Variants in SKIDA1 observed in about 807,000 individuals in gnomAD.
SKIDA1 encodes SKI/DACH domain containing 1.
Under a neutral mutation model 51.4 loss-of-function variants are expected in SKIDA1, and 18 were observed. That is an observed-to-expected ratio of 0.35 (90% CI 0.24 to 0.52). The LOEUF is 0.52. SKIDA1 is among the 20% of genes least tolerant of loss of function. The pLI is 0.95. For missense variants in SKIDA1, 1,104 were observed against 1,180.6 expected, an observed-to-expected ratio of 0.94 and a Z score of 0.95; for synonymous variants, 579 against 500.5, an observed-to-expected ratio of 1.16 and a Z score of -2.09.
Position 21,515,791 on chromosome 10 carries a change from T to C in SKIDA1, c.2032A>G (p.Thr678Ala), listed in dbSNP as rs1469976937. 7 of 1,614,062 alleles carry C rather than the reference T, an allele frequency of 4.3e-6. No individual in the cohort carries two copies. The highest frequency in any genetic ancestry group is 5.9e-6 in the Non-Finnish European group (7 of 1,179,900). The change falls in exon 4 of 4, where the codon ACA becomes GCA. Residue 678 changes from threonine to alanine, a missense_variant. Thr to Ala is a moderately conservative substitution (Grantham distance 58). Transcript: ENST00000449193. ...ENPCTDTGDK[T>A]LPFLHNIKIK... The stretch of plus-strand genomic sequence containing the variant: ...TTAATATTGTGCAGAAATGGCAATG[T>C]CTTGTCGCCTGTGTCAGTGCAGGGA...
rs11384540 is a variant in SKIDA1, at chr10:21,518,850, CTTTTTT to C, written c.-1034_-1029del. The C allele has an allele frequency of 3.2e-4, 46 of 141,840 alleles. No homozygotes were observed. The highest frequency in any genetic ancestry group is 3.4e-4 in the African/African-American group (12 of 35,368). The allele number at this position is 141,840 out of a possible 1,614,324, so 8.8% of individuals were successfully genotyped here. The stretch of plus-strand genomic sequence containing the variant: ...ACGTTTGGAATTTCTCTCGATTTTC[CTTTTTT>C]TTTTTTTTTTTTCCTGAAATGCCTT... On this transcript the variant is annotated 5_prime_UTR_variant, in exon 4 of 4. Transcript: ENST00000449193.
rs1297275750 is a variant in SKIDA1, at chr10:21,524,019, T to G, written c.-2117-148A>C. On this transcript the variant is annotated intron_variant, in intron 1 of 3. Coordinates refer to ENST00000449193, the MANE Select transcript of SKIDA1 (RefSeq NM_207371.4). ...GTTTGGACACTAAGACCCAAAAGAC[T>G]GGACACTCAACACTGACAGTATCAC... 3 of 152,186 alleles carry G rather than the reference T, an allele frequency of 2.0e-5. No individual in the cohort carries two copies. The East Asian group carries it at 5.8e-4, about 29-fold the overall frequency. 9.4% of individuals were successfully genotyped at this position (152,186 alleles called of 1,614,324 possible).
In SKIDA1 at chr10:21,516,217, C is replaced by T; in HGVS notation, c.1606G>A (p.Ala536Thr). Residue 536 changes from alanine to threonine, a missense_variant, in exon 4 of 4, where the codon GCC (alanine) becomes ACC (threonine). By Grantham distance (58) the Ala-to-Thr change is moderately conservative. Around this residue, in one of 3 missense-constraint regions of SKIDA1, gnomAD observed 938 missense variants for 886.4 expected, o/e 1.06. Coordinates refer to ENST00000449193, the MANE Select transcript of SKIDA1 (RefSeq NM_207371.4). This position sits in a 1 kb window ranked among gnomAD's most constrained non-coding sequence, Gnocchi z 5.7. ...APKASPVYCP[A>T]SLGSCFAEIR... ...TCAGCGAAACAACTCCCCAGGCTGG[C>T]CGGGCAGTACACCGGAGATGCTTTG... 6.2e-7 allele frequency: 1 copy of T among 1,614,052 alleles called. No homozygotes were observed.
At chr10:21,521,058 GCACACACACACACA>G (rs139184900) in intron 3 of SKIDA1, among the ~76,000 whole-genome samples, 1 of 146,660 alleles carries the variant, frequency 6.8e-6, no homozygotes, top group East Asian at 2.0e-4. Context: ...ATGAGTGCAT[GCACACACACACACA>G]CACACACACA....
At chr10:21,525,024 C>T (rs2032633219) in intron 1 of SKIDA1, among the ~76,000 whole-genome samples, 1 of 152,122 alleles carries the variant, frequency 6.6e-6, no homozygotes, top group African/African-American at 2.4e-5. Context: ...CTCCACCGCG[C>T]CAGTGTCAGC....
intron 3 of SKIDA1, among the ~76,000 whole-genome samples, chr10:21,520,987 T>C (rs1271137100): frequency 6.6e-6 from 1 of 152,012 alleles, no homozygotes; most frequent in African/African-American, 2.4e-5. Flanking sequence ...CATTCTTTTG[T>C]TCCTTTAACT....
chr10:21,517,883 A>ATG lies in SKIDA1; in HGVS notation c.-63_-62dup. Reference sequence around the variant, plus strand: ...ATATATACGTGACGCATACATACACATGTATGTATGTTAATCCTCAGCCAG... The same window carrying ATG: ...ATATATACGTGACGCATACATACACATGTGTATGTATGTTAATCCTCAGCCAG... On this transcript the variant is annotated 5_prime_UTR_variant, in exon 4 of 4. It adds an upstream start codon to the 5' untranslated region. Coordinates refer to ENST00000449193, the MANE Select transcript of SKIDA1 (RefSeq NM_207371.4). The surrounding 1 kb of genome is among the most constrained non-coding windows in gnomAD (Gnocchi z 6.9). 1 of 1,359,112 alleles carries ATG rather than the reference A, an allele frequency of 7.4e-7. No individual in the cohort carries two copies. The highest frequency in any genetic ancestry group is 2.5e-5 in the East Asian group (1 of 40,530). 84.2% of individuals were successfully genotyped at this position (1,359,112 alleles called of 1,614,324 possible).
Position 21,517,423 on chromosome 10 carries a change from C to T in SKIDA1, c.400G>A (p.Asp134Asn). 1.3e-6 allele frequency: 2 copies of T among 1,486,684 alleles called. No homozygotes were observed. The highest frequency in any genetic ancestry group is 1.8e-6 in the Non-Finnish European group (2 of 1,124,478). 92.1% of individuals were successfully genotyped at this position (1,486,684 alleles called of 1,614,324 possible). Residue 134 changes from aspartate (D) to asparagine (N), a missense_variant, in exon 4 of 4, where the codon GAC (aspartate) becomes AAC (asparagine). Asp to Asn is a conservative substitution (Grantham distance 23). Around this residue, in one of 3 missense-constraint regions of SKIDA1, gnomAD observed 938 missense variants for 886.4 expected, o/e 1.06. Coordinates refer to ENST00000449193, the MANE Select transcript of SKIDA1 (RefSeq NM_207371.4). This position sits in a 1 kb window ranked among gnomAD's most constrained non-coding sequence, Gnocchi z 6.9. ...AGGCCCCGCCAAAGTTGGTGCTTGT[C>T]CTTCCAAAATCCCGGGCGGGGGCTG... ...AASPRPGFWK[D>N]KHQLWRGLSG...
rs757716590 is a variant in SKIDA1 at position 21,515,877 on chromosome 10, G to A, written c.1946C>T (p.Pro649Leu). 35 of 1,613,980 alleles carry A rather than the reference G, an allele frequency of 2.2e-5. No individual in the cohort carries two copies. Among genetic ancestry groups the A allele is most frequent in the Non-Finnish European group, 3.0e-5 (35 of 1,179,900 alleles). Residue 649 changes from proline to leucine, a missense_variant, in exon 4 of 4, where the codon CCC becomes CTC. Physicochemically the swap from Pro to Leu is moderately conservative, Grantham distance 98 (BLOSUM62 -3). Transcript: ENST00000449193. ...LHCPEFATDL[P>L]SSQTDPEVNA... ...CACTTCAGGATCAGTCTGCGAAGAG[G>A]GCAAATCCGTAGCAAATTCAGGACA...
chr10:21,520,789 C>T (rs905242626), intron 3 of SKIDA1, among the ~76,000 whole-genome samples: 1 of 151,686 alleles, frequency 6.6e-6, no homozygotes, highest in Non-Finnish European at 1.5e-5. Flanking sequence ...AAACTAGTAG[C>T]ATATTAAGTT....
In SKIDA1 at chr10:21,516,500, C is replaced by A. The variant is rs778630000; in HGVS notation, c.1323G>T (p.Ser441=). ...SGASDSSEVS[S]EEEDSSTESD... is the part of the protein sequence containing the mutation. ...ACTCGGTGGACGAGTCCTCCTCCTC[C>A]GAGCTGACTTCACTGGAATCCGAGG... Residue 441 remains serine (S), a synonymous_variant, in exon 4 of 4, where the codon TCG becomes TCT. Coordinates refer to ENST00000449193, the MANE Select transcript of SKIDA1 (RefSeq NM_207371.4). This position sits in a 1 kb window ranked among gnomAD's most constrained non-coding sequence, Gnocchi z 5.7. 4.4e-6 allele frequency: 7 copies of A among 1,599,942 alleles called. No individual in the cohort carries two copies. The East Asian group carries it at 1.6e-4, about 36-fold the overall frequency.
intron 3 of SKIDA1, among the ~76,000 whole-genome samples, chr10:21,519,914 G>A (rs1180698628): frequency 2.1e-5 from 3 of 140,212 alleles, no homozygotes; most frequent in Non-Finnish European, 3.0e-5. Context: ...AAGTGCATCC[G>A]GAAATTAAGG....
In SKIDA1 at chr10:21,517,547, G is replaced by A. The variant is rs1372357005; in HGVS notation, c.276C>T (p.Tyr92=). The A allele has an allele frequency of 2.5e-6, 4 of 1,600,704 alleles. No individual in the cohort carries two copies. The highest frequency in any genetic ancestry group is 3.4e-6 in the Non-Finnish European group (4 of 1,173,582). The change falls in exon 4 of 4, where the codon TAC becomes TAT. Residue 92 remains tyrosine, a synonymous_variant. Coordinates refer to ENST00000449193, the MANE Select transcript of SKIDA1 (RefSeq NM_207371.4). This position sits in a 1 kb window ranked among gnomAD's most constrained non-coding sequence, Gnocchi z 6.9. ...GGACGCGCTCGGTTTTGCAGGAGGT[G>A]TAGAGCGCTTCCACGTCTTCCCGGG... ...LISREDVEAL[Y]TSCKTERVLK...
Sources: allele counts gnomAD v4.1 joint callset (sites outside exome capture counted in the v4.1 genomes callset), GRCh38; gene constraint gnomAD v4.1.1; regional missense constraint gnomAD v4.1.1; non-coding constraint Gnocchi (gnomAD v3.1); transcripts MANE v1.5; gene names NCBI Gene and HGNC (gene_info 2026-07-23, HGNC 2026-07-21).